NME5: variants seen among roughly 807,000 people sequenced by gnomAD.
The protein encoded by NME5 is NME/NM23 family member 5.
Under a neutral mutation model 21.6 loss-of-function variants are expected in NME5, and 18 were observed. The observed-to-expected ratio is 0.83, with a 90% CI of 0.58 to 1.24. The LOEUF is 1.24. Ranked by LOEUF, NME5 falls within the 50% of genes most tolerant of loss-of-function variation. NME5 has a pLI of 0.00. For missense variants in NME5, 223 were observed against 255.4 expected, an observed-to-expected ratio of 0.87 and a Z score of 0.86; for synonymous variants, 70 against 80.6, an observed-to-expected ratio of 0.87 and a Z score of 0.71.
At chr5:138,134,045 C>T (rs765110162) in intron 2 of NME5, among the ~76,000 whole-genome samples, 5 of 152,174 alleles carry the variant, frequency 3.3e-5, no homozygotes, top group African/African-American at 4.8e-5. Context: ...GCTGCCTTTG[C>T]TCTGAAAGTT....
At position 138,128,414 on chromosome 5, in the gene NME5, G is replaced by A. The variant is rs143461223; in HGVS notation, c.436+65C>T. 230 of 1,226,068 alleles carry A rather than the reference G, an allele frequency of 1.9e-4. 1 individual carries two copies. In the African/African-American group the frequency reaches 2.5e-3, roughly 13 times the overall value. The allele number at this position is 1,226,068 out of a possible 1,614,324, so 75.9% of individuals were successfully genotyped here. A position where few individuals can be genotyped will look rare whatever the true frequency, so the allele number is the denominator to read the frequency against. On this transcript the variant is annotated intron_variant, in intron 4 of 5. Coordinates refer to ENST00000265191, the MANE Select transcript of NME5 (RefSeq NM_003551.3). ...TTTATCTTCCTTCCCAGCTATATCCGCAAAATAAAAGAAAAAGCAAACAAT... is the reference window on the plus strand; with the variant it reads ...TTTATCTTCCTTCCCAGCTATATCCACAAAATAAAAGAAAAAGCAAACAAT...
intron 2 of NME5, among the ~76,000 whole-genome samples, chr5:138,131,791 T>C (rs1219878794): frequency 3.3e-5 from 5 of 151,952 alleles, no homozygotes; most frequent in African/African-American, 1.2e-4. Context: ...CCAGGCTAGA[T>C]AGAGTGCAGT....
intron 2 of NME5, 60 bp from the exon 3 acceptor site, chr5:138,129,528 A>C: frequency 8.3e-7 from 1 of 1,202,994 alleles, no homozygotes; most frequent in Non-Finnish European, 1.2e-6. Flanking sequence ...ATAGCTCATT[A>C]AAATCATTAG....
At chr5:138,129,815 G>A (rs769812701) in intron 2 of NME5, among the ~76,000 whole-genome samples, 2 of 152,096 alleles carry the variant, frequency 1.3e-5, no homozygotes, top group Non-Finnish European at 2.9e-5. Context: ...AAAATTAGCC[G>A]GGCGGGCGGC....
chr5:138,119,012 T>A, intron 4 of NME5, 76 bp from the exon 5 acceptor site: 1 of 847,752 alleles, frequency 1.2e-6, no homozygotes, highest in Non-Finnish European at 1.8e-6. Context: ...AGGTTCTTTT[T>A]AAAGAACTTT....
intron 2 of NME5, among the ~76,000 whole-genome samples, chr5:138,130,096 T>G (rs906580075): frequency 2.6e-5 from 4 of 152,230 alleles, no homozygotes; most frequent in African/African-American, 9.6e-5. Flanking sequence ...TTTGTGTTAC[T>G]ATTTTGGGAG....
At chr5:138,131,140 G>A (rs1387150559) in intron 2 of NME5, among the ~76,000 whole-genome samples, 1 of 150,004 alleles carries the variant, frequency 6.7e-6, no homozygotes, top group Non-Finnish European at 1.5e-5. Flanking sequence ...GCCGAGGTGG[G>A]TGGATCACCT....
intron 2 of NME5, among the ~76,000 whole-genome samples, chr5:138,135,025 A>T (rs1363250413): frequency 6.8e-6 from 1 of 146,622 alleles, no homozygotes; most frequent in Admixed American, 6.8e-5. Flanking sequence ...TTTTTAAAAT[A>T]TGGACTTTTT....
chr5:138,122,561 T>C (rs1380170532), intron 4 of NME5, among the ~76,000 whole-genome samples: 2 of 151,914 alleles, frequency 1.3e-5, no homozygotes, highest in Admixed American at 6.6e-5. Context: ...GTACACAAAA[T>C]TGCACACAAT....
chr5:138,128,364 C>T, intron 4 of NME5, 115 bp downstream of exon 4: 1 of 808,716 alleles, frequency 1.2e-6, no homozygotes, highest in Middle Eastern at 2.4e-4. Context: ...GAAAACATAA[C>T]AAAATATACT....
At chr5:138,137,621 T>C (rs1440829855) in intron 2 of NME5, among the ~76,000 whole-genome samples, 2 of 151,620 alleles carry the variant, frequency 1.3e-5, no homozygotes, top group Non-Finnish European at 2.9e-5. Flanking sequence ...CGCCATTTTC[T>C]CTTTATTTTT....
intron 2 of NME5, among the ~76,000 whole-genome samples, chr5:138,133,761 T>A (rs1751626328): frequency 2.0e-5 from 3 of 152,224 alleles, no homozygotes; most frequent in African/African-American, 7.2e-5. Context: ...ATAATTTCAC[T>A]TAAATTAGAT....
At chr5:138,121,297 T>C (rs1751280648) in intron 4 of NME5, among the ~76,000 whole-genome samples, 1 of 151,952 alleles carries the variant, frequency 6.6e-6, no homozygotes, top group Non-Finnish European at 1.5e-5. Context: ...GGCATGGTGG[T>C]CTATGCCTCT....
At position 138,128,359 on chromosome 5, in the gene NME5, C is replaced by G. The variant is rs867330273; in HGVS notation, c.436+120G>C. ...TTTTTAAGTAACTACAACTTGAAAA[C>G]ATAACAAAATATACTGGAAAAAAAA... On this transcript the variant is annotated intron_variant, in intron 4 of 5. Coordinates refer to ENST00000265191, the MANE Select transcript of NME5 (RefSeq NM_003551.3). 35 of 760,746 alleles carry G rather than the reference C, an allele frequency of 4.6e-5. No individual in the cohort carries two copies. In the Middle Eastern group the frequency reaches 9.9e-4, roughly 22 times the overall value. The allele number at this position is 760,746 out of a possible 1,614,324, so 47.1% of individuals were successfully genotyped here. A position where few individuals can be genotyped will look rare whatever the true frequency, so the allele number is the denominator to read the frequency against.
rs1751499928 is a variant in NME5, at chr5:138,129,195, CA to C, written c.335+67del. 4.7e-6 allele frequency: 6 copies of C among 1,272,636 alleles called. No homozygotes were observed. The East Asian group carries it at 1.4e-4, about 31-fold the overall frequency. 78.8% of individuals were successfully genotyped at this position (1,272,636 alleles called of 1,614,324 possible). On this transcript the variant is annotated intron_variant, in intron 3 of 5. Transcript: ENST00000265191. The stretch of plus-strand genomic sequence containing the variant: ...AAAAAAATTCCCATTACAATGAAAT[CA>C]GATTTTTTTTTTTCATTTTCACAGA...
intron 4 of NME5, among the ~76,000 whole-genome samples, chr5:138,126,549 A>C (rs1751433334): frequency 6.6e-6 from 1 of 150,734 alleles, no homozygotes; most frequent in Non-Finnish European, 1.5e-5. Context: ...AAGAAAGCGA[A>C]AAGAAAGAAA....
chr5:138,137,616 T>C (rs1399380684), intron 2 of NME5, among the ~76,000 whole-genome samples: 1 of 150,786 alleles, frequency 6.6e-6, no homozygotes, highest in Non-Finnish European at 1.5e-5. Flanking sequence ...GTACCCGCCA[T>C]TTTCTCTTTA....
At chr5:138,122,441 TAAAAAAAAAA>T (rs70979581) in intron 4 of NME5, among the ~76,000 whole-genome samples, 1 of 34,452 alleles carries the variant, frequency 2.9e-5, no homozygotes, top group African/African-American at 1.1e-4. Context: ...ACTCTGTCTC[TAAAAAAAAAA>T]AAAAAAAAAA....
intron 5 of NME5, among the ~76,000 whole-genome samples, 193 bp from the exon 6 acceptor site, chr5:138,115,957 A>G (rs1751148380): frequency 6.6e-6 from 1 of 152,250 alleles, no homozygotes; most frequent in African/African-American, 2.4e-5. Flanking sequence ...AAGAAGTAAA[A>G]CTATCTCTTT....
Sources: allele counts gnomAD v4.1 joint callset (sites outside exome capture counted in the v4.1 genomes callset), GRCh38; gene constraint gnomAD v4.1.1; transcripts MANE v1.5; gene names NCBI Gene and HGNC (gene_info 2026-07-23, HGNC 2026-07-21).